TBC1D9B: variants seen among roughly 807,000 people sequenced by gnomAD.
TBC1D9B encodes the protein TBC1 domain family, member 9B (with GRAM domain).
TBC1D9B carries 87 observed loss-of-function variants against 121.1 expected under a neutral mutation model. The observed-to-expected ratio is 0.72, with a 90% CI of 0.60 to 0.86. The LOEUF is 0.86. Among genes scored for constraint, TBC1D9B ranks in the 40% least tolerant of loss-of-function variants. TBC1D9B has a pLI of 0.00. For missense variants in TBC1D9B, 1,540 were observed against 1,628.6 expected (o/e 0.95, Z 0.94); for synonymous variants, 668 against 670.1 (o/e 1.00, Z 0.05).
In TBC1D9B at chr5:179,865,348, G is replaced by A; in HGVS notation, c.2927C>T (p.Thr976Ile). 1.2e-6 allele frequency: 2 copies of A among 1,614,042 alleles called. No individual in the cohort carries two copies. The highest frequency in any genetic ancestry group is 1.7e-6 in the Non-Finnish European group (2 of 1,180,028). The change falls in exon 20 of 21, where the codon ACC (threonine) becomes ATC (isoleucine). Residue 976 changes from threonine to isoleucine, a missense_variant. Physicochemically the swap from Thr to Ile is moderately conservative, Grantham distance 89 (BLOSUM62 -1). Transcript: ENST00000355235. The surrounding 1 kb of genome is among the most constrained non-coding windows in gnomAD (Gnocchi z 5.1). Reference protein sequence around the residue: ...GSEERGEEKGTSSPDYRHYLR... With the variant: ...GSEERGEEKGISSPDYRHYLR... ...GTAGTGCCGATAGTCCGGAGAGCTGGTCCCCTTCTCCTCTGCAGGTTAGGA... is the reference window on the plus strand; with the variant it reads ...GTAGTGCCGATAGTCCGGAGAGCTGATCCCCTTCTCCTCTGCAGGTTAGGA...
chr5:179,899,068 T>C lies in TBC1D9B; in HGVS notation c.348+121A>G, dbSNP rs977625609. ...ACTCCAAGAGAAGGAGCGCTGACACTTCAGTCTCCACCTTTGTAAAATGGG... is the reference window on the plus strand; with the variant it reads ...ACTCCAAGAGAAGGAGCGCTGACACCTCAGTCTCCACCTTTGTAAAATGGG... On this transcript the variant is annotated intron_variant, in intron 3 of 20. Transcript: ENST00000355235. 16 of 770,808 alleles carry C rather than the reference T, an allele frequency of 2.1e-5. No homozygotes were observed. The African/African-American group carries it at 2.8e-4, about 13-fold the overall frequency. 47.7% of individuals were successfully genotyped at this position (770,808 alleles called of 1,614,324 possible). A position where few individuals can be genotyped will look rare whatever the true frequency, so the allele number is the denominator to read the frequency against.
rs1759981146 is a variant in TBC1D9B, at chr5:179,865,445, T to C, written c.2915-85A>G. 1.0e-5 allele frequency: 14 copies of C among 1,337,908 alleles called. No individual in the cohort carries two copies. In the Admixed American group the frequency reaches 2.4e-4, roughly 23 times the overall value. 82.9% of individuals were successfully genotyped at this position (1,337,908 alleles called of 1,614,324 possible). A position where few individuals can be genotyped will look rare whatever the true frequency, so the allele number is the denominator to read the frequency against. ...CAGGGAGAGGAAGAGTTGGGTGTTT[T>C]CTGGCATGGAGTTACCAGGGCCCTA... On this transcript the variant is annotated intron_variant, in intron 19 of 20. Transcript: ENST00000355235. This position sits in a 1 kb window ranked among gnomAD's most constrained non-coding sequence, Gnocchi z 5.1.
At chr5:179,895,184 C>T (rs929798907) in intron 3 of TBC1D9B, among the ~76,000 whole-genome samples, 1 of 152,112 alleles carries the variant, frequency 6.6e-6, no homozygotes, top group African/African-American at 2.4e-5. Flanking sequence ...ATGAATATTT[C>T]AGTTATTTTC....
intron 12 of TBC1D9B, among the ~76,000 whole-genome samples, chr5:179,873,681 C>T (rs963254246): frequency 5.3e-5 from 8 of 152,164 alleles, no homozygotes; most frequent in African/African-American, 1.9e-4. Flanking sequence ...GGGAGGCCTG[C>T]TGCAGCCCAG....
chr5:179,871,402 C>G, intron 15 of TBC1D9B, 60 bp downstream of exon 15: 1 of 1,545,156 alleles, frequency 6.5e-7, no homozygotes, highest in South Asian at 1.1e-5. Context: ...AGATCCATTT[C>G]TTTTCTGGCA....
intron 7 of TBC1D9B, among the ~76,000 whole-genome samples, chr5:179,882,854 C>G (rs1484676743): frequency 1.3e-5 from 2 of 152,174 alleles, no homozygotes; most frequent in Non-Finnish European, 2.9e-5. Flanking sequence ...CAAAAAGTTA[C>G]TCTAAAATGT....
At chr5:179,871,338 T>G (rs408134) in intron 15 of TBC1D9B, 124 bp downstream of exon 15, 1 of 966,638 alleles carries the variant, frequency 1.0e-6, no homozygotes, top group Non-Finnish European at 1.5e-6. Flanking sequence ...TTAGATCTGT[T>G]TCTGTTTTTC....
chr5:179,890,452 G>A lies in TBC1D9B; in HGVS notation c.1044+927C>T, dbSNP rs1760830655. Among the ~76,000 whole-genome samples the A allele has an allele frequency of 6.6e-6, 1 of 152,230 alleles. No individual in the cohort carries two copies. Among genetic ancestry groups the A allele is most frequent in the Admixed American group, 6.5e-5 (1 of 15,286 alleles). Reference sequence around the variant, plus strand: ...GCCCCGGACAGATCCACAGGGCCCTGGTGCTAACAGAATGTGGGGTTCGGG... The same window carrying A: ...GCCCCGGACAGATCCACAGGGCCCTAGTGCTAACAGAATGTGGGGTTCGGG... On this transcript the variant is annotated intron_variant, in intron 6 of 20. Coordinates refer to ENST00000355235, the MANE Select transcript of TBC1D9B (RefSeq NM_015043.4). This position sits in a 1 kb window ranked among gnomAD's most constrained non-coding sequence, Gnocchi z 5.0.
Position 179,875,559 on chromosome 5 carries a change from A to G in TBC1D9B, c.1900+361T>C, listed in dbSNP as rs141597007. ...ACTCCAAACACCAGACAGCAGGGGA[A>G]GGACAGGATAACATGCTTAAATATG... On this transcript the variant is annotated intron_variant, in intron 11 of 20. Transcript: ENST00000355235. This position sits in a 1 kb window ranked among gnomAD's most constrained non-coding sequence, Gnocchi z 4.5. Among the ~76,000 whole-genome samples the G allele has an allele frequency of 1.5e-3, 227 of 152,322 alleles. 2 individuals are homozygous for G. The highest frequency in any genetic ancestry group is 5.2e-3 in the African/African-American group (217 of 41,562).
In TBC1D9B at chr5:179,893,599, T is replaced by C. The variant is rs533285600; in HGVS notation, c.578-132A>G. ...AGCACTTCCTGTGTGCCCAGGCCTGTCTGGGCTGTGTCACGCCCTCCATGT... is the reference window on the plus strand; with the variant it reads ...AGCACTTCCTGTGTGCCCAGGCCTGCCTGGGCTGTGTCACGCCCTCCATGT... On this transcript the variant is annotated intron_variant, in intron 4 of 20. Coordinates refer to ENST00000355235, the MANE Select transcript of TBC1D9B (RefSeq NM_015043.4). 41 of 1,280,602 alleles carry C rather than the reference T, an allele frequency of 3.2e-5. No individual in the cohort carries two copies. In the African/African-American group the frequency reaches 5.7e-4, roughly 18 times the overall value. 79.3% of individuals were successfully genotyped at this position (1,280,602 alleles called of 1,614,324 possible).
rs1288071167 is a variant in TBC1D9B, at chr5:179,904,735, G to A, written c.196C>T (p.Gln66Ter). ...ACTGTCCAGTAGACCTGGGAGTCCT[G>A]GGTCTGGTGCAGGATGCGGTAAGGG... The part of the protein sequence containing the change: ...VAPYRILHQT[Q>*]DSQVYWTVAC... The change falls in exon 2 of 21, where the codon CAG becomes TAG. Residue 66 changes from glutamine to a stop codon, truncating the protein, a stop_gained. Coordinates refer to ENST00000355235, the MANE Select transcript of TBC1D9B (RefSeq NM_015043.4). LOFTEE classifies it high-confidence loss of function. This position sits in a 1 kb window ranked among gnomAD's most constrained non-coding sequence, Gnocchi z 4.2. 6.3e-7 allele frequency: 1 copy of A among 1,578,298 alleles called. No homozygotes were observed. Among genetic ancestry groups the A allele is most frequent in the Admixed American group, 1.8e-5 (1 of 54,402 alleles).
chr5:179,869,843 A>G lies in TBC1D9B; in HGVS notation c.2726-9T>C, dbSNP rs745790355. The G allele has an allele frequency of 1.7e-5, 26 of 1,539,894 alleles. No homozygotes were observed. Among genetic ancestry groups the G allele is most frequent in the Non-Finnish European group, 2.2e-5 (25 of 1,142,924 alleles). The stretch of plus-strand genomic sequence containing the variant: ...CCCGTGGTACATCCCGCCTGTGGAG[A>G]AGGCCAGGGAGGGCTGGGTCTGGCA... On this transcript the variant is annotated splice_polypyrimidine_tract_variant and intron_variant, in intron 16 of 20. Transcript: ENST00000355235.
In TBC1D9B at chr5:179,865,414, TGAC is replaced by T; in HGVS notation, c.2915-57_2915-55del. 1 of 1,539,318 alleles carries T rather than the reference TGAC, an allele frequency of 6.5e-7. No homozygotes were observed. The highest frequency in any genetic ancestry group is 9.0e-7 in the Non-Finnish European group (1 of 1,112,814). On this transcript the variant is annotated intron_variant, in intron 19 of 20. Coordinates refer to ENST00000355235, the MANE Select transcript of TBC1D9B (RefSeq NM_015043.4). The surrounding 1 kb of genome is among the most constrained non-coding windows in gnomAD (Gnocchi z 5.1). ...TTTGTCATGTGAGACGGCTGCGGGC[TGAC>T]AGCAGGGAGAGGAAGAGTTGGGTGT...
intron 16 of TBC1D9B, 37 bp downstream of exon 16, chr5:179,870,218 G>A: frequency 6.2e-7 from 1 of 1,609,170 alleles, no homozygotes; most frequent in Non-Finnish European, 8.5e-7. Flanking sequence ...AAGGGTGAGG[G>A]AGGGTCAAGC....
Position 179,907,597 on chromosome 5 carries a change from G to T in TBC1D9B, c.118+107C>A. On this transcript the variant is annotated intron_variant, in intron 1 of 20. Coordinates refer to ENST00000355235, the MANE Select transcript of TBC1D9B (RefSeq NM_015043.4). The surrounding 1 kb of genome is among the most constrained non-coding windows in gnomAD (Gnocchi z 5.3). ...GCGCGCTGGCGTGCGTGTCCGCCGC[G>T]ACGCGCCGAGGCCGGGCCGGAACCG... 2 of 557,168 alleles carry T rather than the reference G, an allele frequency of 3.6e-6. No individual in the cohort carries two copies. Among genetic ancestry groups the T allele is most frequent in the Non-Finnish European group, 2.3e-6 (1 of 441,748 alleles). 34.5% of individuals were successfully genotyped at this position (557,168 alleles called of 1,614,324 possible). A position where few individuals can be genotyped will look rare whatever the true frequency, so the allele number is the denominator to read the frequency against.
chr5:179,878,992 G>A lies in TBC1D9B; in HGVS notation c.1567+55C>T. On this transcript the variant is annotated intron_variant, in intron 9 of 20. Transcript: ENST00000355235. ...CAGGACAGACGAGCTCACACGGGGA[G>A]AGCTTGGGGACTGACTGGCTGAGCT... is the stretch of plus-strand genomic sequence containing the variant. The A allele has an allele frequency of 5.1e-6, 8 of 1,577,164 alleles. No homozygotes were observed. In the South Asian group the frequency reaches 6.8e-5, roughly 13 times the overall value.
chr5:179,902,497 C>A lies in TBC1D9B; in HGVS notation c.229+2205G>T, dbSNP rs762289869. Among the ~76,000 whole-genome samples the A allele has an allele frequency of 1.3e-4, 20 of 152,272 alleles. No individual in the cohort carries two copies. The highest frequency in any genetic ancestry group is 2.6e-4 in the Admixed American group (4 of 15,292). ...TGGCTGGCAGGAAAGGGAGGCACAG[C>A]CAGGGCCAGTGCAGGGCTTTGGGCC... On this transcript the variant is annotated intron_variant, in intron 2 of 20. Coordinates refer to ENST00000355235, the MANE Select transcript of TBC1D9B (RefSeq NM_015043.4). The surrounding 1 kb of genome is among the most constrained non-coding windows in gnomAD (Gnocchi z 4.9).
At position 179,871,513 on chromosome 5, in the gene TBC1D9B, CACAGGT is replaced by C. The variant is rs759635745; in HGVS notation, c.2427_2432del (p.Ile809_Val811delinsMet). 1 of 1,613,120 alleles carries C rather than the reference CACAGGT, an allele frequency of 6.2e-7. No individual in the cohort carries two copies. The highest frequency in any genetic ancestry group is 1.1e-5 in the South Asian group (1 of 90,822). On this transcript the variant is annotated inframe_deletion, in exon 15 of 21. Coordinates refer to ENST00000355235, the MANE Select transcript of TBC1D9B (RefSeq NM_015043.4). ...GCTCTTCAATGGAGAAACCAATGTC[CACAGGT>C]ATAGCTCGGACCTAGAAGGAAGGAG...
At position 179,904,704 on chromosome 5, in the gene TBC1D9B, C is replaced by T. The variant is rs1761263535; in HGVS notation, c.227G>A (p.Cys76Tyr). 2.6e-6 allele frequency: 4 copies of T among 1,565,448 alleles called. No individual in the cohort carries two copies. The highest frequency in any genetic ancestry group is 1.9e-4 in the Middle Eastern group (1 of 5,404). ...CCCTCACCACTCAGGGCACCTACCACACGCCACTGTCCAGTAGACCTGGGA... is the reference window on the plus strand; with the variant it reads ...CCCTCACCACTCAGGGCACCTACCATACGCCACTGTCCAGTAGACCTGGGA... ...QDSQVYWTVA[C>Y]GSSRKEITKH... is the part of the protein sequence containing the mutation. The change falls in exon 2 of 21, where the codon TGT (cysteine) becomes TAT (tyrosine). Residue 76 changes from cysteine to tyrosine, a missense_variant and splice_region_variant. Coordinates refer to ENST00000355235, the MANE Select transcript of TBC1D9B (RefSeq NM_015043.4). This position sits in a 1 kb window ranked among gnomAD's most constrained non-coding sequence, Gnocchi z 4.2.
Sources: allele counts gnomAD v4.1 joint callset (sites outside exome capture counted in the v4.1 genomes callset), GRCh38; gene constraint gnomAD v4.1.1; non-coding constraint Gnocchi (gnomAD v3.1); transcripts MANE v1.5; gene names NCBI Gene and HGNC (gene_info 2026-07-23, HGNC 2026-07-21).